CDH2: variants seen among roughly 807,000 people sequenced by gnomAD.
CDH2 encodes cadherin-2.
A neutral mutation model predicts 92.0 loss-of-function variants in CDH2; 17 were observed. That is an observed-to-expected ratio of 0.18 (90% CI 0.13 to 0.28). CDH2 has a LOEUF of 0.28. Ranked by LOEUF, CDH2 falls within the 10% of genes least tolerant of loss-of-function variation. The pLI, the probability that CDH2 is intolerant of heterozygous loss-of-function variation, is 1.00. For missense variants in CDH2, 862 were observed against 1,133.1 expected, an observed-to-expected ratio of 0.76 and a Z score of 3.44; for synonymous variants, 419 against 415.9, an observed-to-expected ratio of 1.01 and a Z score of -0.09.
At chr18:27,967,004 G>A (rs902052931) in intron 14 of CDH2, among the ~76,000 whole-genome samples, 2 of 152,174 alleles carry the variant, frequency 1.3e-5, no homozygotes, top group African/African-American at 4.8e-5. Context: ...GATGAGACGG[G>A]AGAGAAAGAC....
chr18:27,943,689 T>C (rs575054729), intron 6 of CDH2, among the ~76,000 whole-genome samples: 1 of 152,278 alleles, frequency 6.6e-6, no homozygotes, highest in African/African-American at 2.4e-5. Context: ...TCAGTATTAA[T>C]AAAATCCATC....
intron 14 of CDH2, among the ~76,000 whole-genome samples, chr18:27,964,079 T>C (rs2011479036): frequency 6.6e-6 from 1 of 152,154 alleles, no homozygotes; most frequent in Non-Finnish European, 1.5e-5. Context: ...TTACTTAAAA[T>C]ACAAACGACA....
At chr18:28,047,586 T>TGGCTCAAGAATGAAACC (rs2014101696) in intron 2 of CDH2, among the ~76,000 whole-genome samples, 1 of 151,796 alleles carries the variant, frequency 6.6e-6, no homozygotes, top group African/African-American at 2.4e-5. Flanking sequence ...AGAATGAAAC[T>TGGCTCAAGAATGAAACC]GGCCGGGCGC....
intron 4 of CDH2, among the ~76,000 whole-genome samples, chr18:28,010,668 G>T (rs893803672): frequency 2.8e-5 from 4 of 142,646 alleles, no homozygotes; most frequent in Admixed American, 7.0e-5. Context: ...TAAAATCTAG[G>T]TTTTTTTTTT....
chr18:28,059,769 G>T (rs907032138), intron 2 of CDH2, among the ~76,000 whole-genome samples: 8 of 152,210 alleles, frequency 5.3e-5, no homozygotes, highest in Admixed American at 2.0e-4. Context: ...ATGTGTAAAT[G>T]TATGTATATT....
At chr18:28,043,499 TA>T in intron 2 of CDH2, among the ~76,000 whole-genome samples, 1 of 82,514 alleles carries the variant, frequency 1.2e-5, no homozygotes, top group African/African-American at 4.2e-5. Context: ...TATATAAATA[TA>T]TATATATATA....
At chr18:28,012,178 T>C (rs1356744696) in intron 3 of CDH2, among the ~76,000 whole-genome samples, 186 bp from the exon 4 acceptor site, 3 of 152,204 alleles carry the variant, frequency 2.0e-5, no homozygotes, top group Middle Eastern at 3.2e-3. Flanking sequence ...TTTTGGGTTA[T>C]ACTGTGTATC....
intron 15 of CDH2, among the ~76,000 whole-genome samples, chr18:27,958,551 G>A (rs988692889): frequency 1.3e-5 from 2 of 148,704 alleles, no homozygotes; most frequent in Non-Finnish European, 3.0e-5. Context: ...ATAAATACGT[G>A]TATATTTATA....
rs559467746 is a variant in CDH2 at position 28,168,469 on chromosome 18, TACTTTC to T, written c.60+8488_60+8493del. 633 of 153,616 alleles carry T rather than the reference TACTTTC, an allele frequency of 4.1e-3. 4 individuals carry two copies. Among genetic ancestry groups the T allele is most frequent in the African/African-American group, 0.014 (601 of 41,586 alleles). The allele number at this position is 153,616 out of a possible 1,614,324, so 9.5% of individuals were successfully genotyped here. ...AATTGGTGGTGGAATATCTTGCATT[TACTTTC>T]ACCCTGAAGAATATGGAAAAAAGAG... On this transcript the variant is annotated intron_variant, in intron 1 of 15. Transcript: ENST00000269141.
chr18:28,153,758 A>T lies in CDH2; in HGVS notation c.61-5974T>A, dbSNP rs17495153. ...GCAGATGAGAGGATTAAATGAGTTA[A>T]TATGTGTAAAGCACTTAGGATAGTG... On this transcript the variant is annotated intron_variant, in intron 1 of 15. Transcript: ENST00000269141. 4.2e-3 allele frequency among the ~76,000 whole-genome samples: 639 copies of T among 152,334 alleles called. 4 individuals are homozygous for T. The highest frequency in any genetic ancestry group is 0.015 in the African/African-American group (607 of 41,584).
intron 4 of CDH2, 125 bp downstream of exon 4, chr18:28,011,721 T>G (rs1398537315): frequency 1.1e-6 from 1 of 880,872 alleles, no homozygotes; most frequent in African/African-American, 1.7e-5. Flanking sequence ...AAATTCTATC[T>G]TTATAGAAAA....
intron 1 of CDH2, among the ~76,000 whole-genome samples, chr18:28,164,701 CAT>C (rs1229328842): frequency 1.3e-5 from 2 of 152,100 alleles, no homozygotes; most frequent in Non-Finnish European, 2.9e-5. Flanking sequence ...TGTGCACACA[CAT>C]GGGTCCTTAC....
chr18:27,978,557 G>T (rs2011928231), intron 14 of CDH2, among the ~76,000 whole-genome samples: 1 of 150,724 alleles, frequency 6.6e-6, no homozygotes, highest in African/African-American at 2.5e-5. Flanking sequence ...GATAAATTAT[G>T]GACTTAATAT....
intron 2 of CDH2, among the ~76,000 whole-genome samples, chr18:28,035,203 T>G (rs2013796788): frequency 6.6e-6 from 1 of 152,046 alleles, no homozygotes; most frequent in Admixed American, 6.6e-5. Context: ...ATAAACTCAT[T>G]CTTTATTCAG....
intron 6 of CDH2, among the ~76,000 whole-genome samples, chr18:27,943,189 T>C (rs1210163634): frequency 6.6e-6 from 1 of 152,168 alleles, no homozygotes; most frequent in Admixed American, 6.5e-5. Context: ...ACACACGTGG[T>C]ACTATGCAAA....
intron 2 of CDH2, among the ~76,000 whole-genome samples, chr18:28,124,104 G>A (rs372428531): frequency 3.3e-5 from 5 of 151,878 alleles, no homozygotes; most frequent in Admixed American, 2.6e-4. Context: ...TTCAAACCCC[G>A]AAAATATGCC....
At chr18:28,106,118 A>G (rs2015316014) in intron 2 of CDH2, among the ~76,000 whole-genome samples, 1 of 152,234 alleles carries the variant, frequency 6.6e-6, no homozygotes, top group Non-Finnish European at 1.5e-5. Context: ...AATGTGGGAT[A>G]AGAAAGTGTT....
At chr18:28,142,646 C>T (rs2015973741) in intron 2 of CDH2, among the ~76,000 whole-genome samples, 1 of 151,926 alleles carries the variant, frequency 6.6e-6, no homozygotes, top group Admixed American at 6.6e-5. Flanking sequence ...ATTTTTTCCT[C>T]CTTAATCATC....
At chr18:28,127,577 A>T (rs2015698944) in intron 2 of CDH2, among the ~76,000 whole-genome samples, 1 of 152,210 alleles carries the variant, frequency 6.6e-6, no homozygotes, top group Non-Finnish European at 1.5e-5. Context: ...CTTTTTAACA[A>T]GAAAATCTAT....
Sources: gnomAD v4.1 joint callset for allele counts (sites outside exome capture counted in the v4.1 genomes callset) on GRCh38, gnomAD v4.1.1 for gene constraint, MANE v1.5 for transcripts, NCBI Gene and HGNC (gene_info 2026-07-23, HGNC 2026-07-21) for gene names.